Variants in SLC22A3 observed in about 807,000 individuals in gnomAD.
SLC22A3 encodes EMT organic cation transporter 3.
In SLC22A3, 51 loss-of-function variants were observed where a neutral mutation model predicts 59.1. That is an observed-to-expected ratio of 0.86 (90% CI 0.69 to 1.09). The LOEUF is 1.09. Among genes scored for constraint, SLC22A3 ranks in the 50% least tolerant of loss-of-function variants. The pLI is 0.00. For synonymous variants in SLC22A3, 325 were observed against 292.0 expected, an observed-to-expected ratio of 1.11 and a Z score of -1.15; for missense variants, 711 against 726.3, an observed-to-expected ratio of 0.98 and a Z score of 0.24.
At chr6:160,384,634 C>T (rs1334897839) in intron 1 of SLC22A3, among the ~76,000 whole-genome samples, 1 of 152,094 alleles carries the variant, frequency 6.6e-6, no homozygotes, top group East Asian at 1.9e-4. Flanking sequence ...ATCCCCAGAT[C>T]TCCGGTTCCT....
chr6:160,406,990 G>T, intron 2 of SLC22A3, 51 bp from the exon 3 acceptor site: 1 of 1,593,506 alleles, frequency 6.3e-7, no homozygotes, highest in Non-Finnish European at 8.6e-7. Context: ...TTTTCCCATT[G>T]TGTTGAAGAA....
chr6:160,400,687 G>A (rs1386542413), intron 2 of SLC22A3, among the ~76,000 whole-genome samples: 6 of 150,836 alleles, frequency 4.0e-5, no homozygotes, highest in South Asian at 2.1e-4. Context: ...CACAGTTGAA[G>A]AGACAGAGTA....
chr6:160,349,306 C>T (rs75875695), intron 1 of SLC22A3, among the ~76,000 whole-genome samples: 2 of 152,072 alleles, frequency 1.3e-5, no homozygotes, highest in South Asian at 2.1e-4. Context: ...AAGGAAAGGG[C>T]GAACCAACGT....
chr6:160,439,132 A>G (rs1788454129), intron 7 of SLC22A3, among the ~76,000 whole-genome samples: 2 of 152,094 alleles, frequency 1.3e-5, no homozygotes, highest in Admixed American at 1.3e-4. Flanking sequence ...AGTATCGACT[A>G]ATTGCCAGCC....
chr6:160,428,992 C>G (rs962937440), intron 5 of SLC22A3, among the ~76,000 whole-genome samples: 1 of 152,164 alleles, frequency 6.6e-6, no homozygotes, highest in South Asian at 2.1e-4. Flanking sequence ...GGCTGGTCCT[C>G]GTCTGACTAA....
chr6:160,407,279 C>T (rs1787057839), intron 3 of SLC22A3, 84 bp downstream of exon 3: 4 of 1,374,404 alleles, frequency 2.9e-6, no homozygotes, highest in East Asian at 2.4e-5. Context: ...CTTCCTCTTC[C>T]TCATGTGTCC....
intron 1 of SLC22A3, among the ~76,000 whole-genome samples, chr6:160,360,461 A>C (rs114165895): frequency 3.0e-4 from 46 of 152,338 alleles, no homozygotes; most frequent in African/African-American, 1.1e-3. Flanking sequence ...TCTGTCTTAA[A>C]AAAAGGATAT....
chr6:160,369,926 C>T (rs1287891302), intron 1 of SLC22A3, among the ~76,000 whole-genome samples: 1 of 152,160 alleles, frequency 6.6e-6, no homozygotes, highest in African/African-American at 2.4e-5. Flanking sequence ...GTTGGGATGA[C>T]CCAATGGCCA....
At chr6:160,367,482 A>T (rs751232555) in intron 1 of SLC22A3, among the ~76,000 whole-genome samples, 11 of 152,218 alleles carry the variant, frequency 7.2e-5, no homozygotes, top group Non-Finnish European at 1.3e-4. Flanking sequence ...TGCAACTTGC[A>T]TACCTGTATT....
intron 1 of SLC22A3, among the ~76,000 whole-genome samples, chr6:160,376,105 T>C (rs2114784236): frequency 6.6e-6 from 1 of 152,146 alleles, no homozygotes; most frequent in African/African-American, 2.4e-5. Flanking sequence ...CCAACCCAAA[T>C]GCCCATCAGT....
chr6:160,389,025 A>G (rs964033213), intron 1 of SLC22A3, among the ~76,000 whole-genome samples: 9 of 152,328 alleles, frequency 5.9e-5, no homozygotes, highest in African/African-American at 2.2e-4. Context: ...CAAACCAAGG[A>G]GAGAAGCCAA....
At chr6:160,393,902 C>G (rs1305336278) in intron 1 of SLC22A3, among the ~76,000 whole-genome samples, 1 of 152,172 alleles carries the variant, frequency 6.6e-6, no homozygotes, top group Non-Finnish European at 1.5e-5. Flanking sequence ...ACTTGGAAAC[C>G]CTTCAAAAGT....
intron 8 of SLC22A3, 78 bp downstream of exon 8, chr6:160,442,947 T>G: frequency 1.8e-6 from 2 of 1,132,286 alleles, no homozygotes; most frequent in South Asian, 2.6e-5. Flanking sequence ...TTAAAAACTA[T>G]GAAGTCGTTT....
intron 9 of SLC22A3, 83 bp from the exon 10 acceptor site, chr6:160,447,636 A>G (rs3918286): frequency 0.35 from 406,257 of 1,147,166 alleles, 77,218 homozygotes; most frequent in Admixed American, 0.49. Context: ...GAGCAACATG[A>G]TGGCTTCAGA....
chr6:160,443,504 T>C, intron 8 of SLC22A3, 126 bp from the exon 9 acceptor site: 1 of 707,222 alleles, frequency 1.4e-6, no homozygotes, highest in Non-Finnish European at 2.5e-6. Flanking sequence ...AGTAGTCGTT[T>C]TCAAAGTTAG....
chr6:160,355,546 G>T (rs1488059056), intron 1 of SLC22A3, among the ~76,000 whole-genome samples: 1 of 151,818 alleles, frequency 6.6e-6, no homozygotes, highest in Non-Finnish European at 1.5e-5. Flanking sequence ...CAGATCACGA[G>T]GTCAGGAGAT....
At chr6:160,438,910 C>A (rs924279011) in intron 7 of SLC22A3, among the ~76,000 whole-genome samples, 1 of 152,070 alleles carries the variant, frequency 6.6e-6, no homozygotes, top group African/African-American at 2.4e-5. Flanking sequence ...CCTATCTCTG[C>A]CTCCATATTC....
intron 1 of SLC22A3, among the ~76,000 whole-genome samples, chr6:160,366,938 A>G (rs1009465814): frequency 3.3e-5 from 5 of 152,162 alleles, no homozygotes; most frequent in African/African-American, 1.2e-4. Flanking sequence ...GGAAGTTCCA[A>G]ACTTTTCCAC....
intron 5 of SLC22A3, among the ~76,000 whole-genome samples, chr6:160,414,071 C>T (rs1184438422): frequency 1.3e-5 from 2 of 152,038 alleles, no homozygotes; most frequent in Non-Finnish European, 2.9e-5. Flanking sequence ...TTTTATATTC[C>T]CTGTCAATTG....
Sources: gnomAD v4.1 joint callset for allele counts (sites outside exome capture counted in the v4.1 genomes callset) on GRCh38, gnomAD v4.1.1 for gene constraint, MANE v1.5 for transcripts, NCBI Gene and HGNC (gene_info 2026-07-23, HGNC 2026-07-21) for gene names.